The following HERPUD1 variants were observed in gnomAD, a reference collection of about 807,000 sequenced individuals.
HERPUD1 encodes homocysteine inducible ER protein with ubiquitin like domain 1.
A neutral mutation model predicts 45.0 loss-of-function variants in HERPUD1; 17 were observed. That is an observed-to-expected ratio of 0.38 (90% confidence interval 0.26 to 0.57). The LOEUF (loss-of-function observed/expected upper bound fraction) is 0.57, where lower values mean the gene tolerates loss of function less well. HERPUD1 is among the 20% of genes least tolerant of loss of function. The probability of loss-of-function intolerance (pLI) is 0.72; values close to 1 mark genes in which losing one functional copy is unlikely to be tolerated. For synonymous variants in HERPUD1, 164 were observed against 177.5 expected (o/e 0.92, Z 0.61); for missense variants, 420 against 490.5 (o/e 0.86, Z 1.36).
chr16:56,938,964 A>G (rs549925572), intron 4 of HERPUD1, among the ~76,000 whole-genome samples: 1 of 152,272 alleles, frequency 6.6e-6, no homozygotes, highest in South Asian at 2.1e-4. Flanking sequence ...TACTTAACCC[A>G]AAAAGGTTGT....
chr16:56,939,435 A>C lies in HERPUD1; in HGVS notation c.554+76A>C, dbSNP rs1458765600. On this transcript the variant is annotated intron_variant, in intron 5 of 7. Coordinates refer to ENST00000439977, the MANE Select transcript of HERPUD1 (RefSeq NM_014685.4). ...GGGAATTTTATCCATGTTACCTGTA[A>C]AGTTCAGAATGGAGGGATGAGTGTA... 3.8e-6 allele frequency: 6 copies of C among 1,572,816 alleles called. No homozygotes were observed. The African/African-American group carries it at 6.8e-5, about 18-fold the overall frequency.
In HERPUD1 at chr16:56,943,176, G is replaced by C. The variant is rs1234239053; in HGVS notation, c.1062G>C (p.Arg354Ser). 1.2e-6 allele frequency: 2 copies of C among 1,614,172 alleles called. 1 individual carries two copies. Among genetic ancestry groups the C allele is most frequent in the South Asian group, 2.2e-5 (2 of 91,088 alleles). Residue 354 changes from arginine (R) to serine (S), a missense_variant, in exon 8 of 8, where the codon AGG (arginine) becomes AGC (serine). Coordinates refer to ENST00000439977, the MANE Select transcript of HERPUD1 (RefSeq NM_014685.4). ...TEDPNHLPPD[R>S]DVLDGEQTSP... The stretch of plus-strand genomic sequence containing the variant: ...ACCCCAACCACCTCCCTCCAGACAG[G>C]GATGTACTAGATGGCGAGCAGACCA...
chr16:56,942,379 C>T, intron 7 of HERPUD1, 142 bp downstream of exon 7: 1 of 608,860 alleles, frequency 1.6e-6, no homozygotes, highest in Non-Finnish European at 2.9e-6. Flanking sequence ...CTTCTTAGAG[C>T]AGCAGCTATT....
chr16:56,935,185 C>A, intron 1 of HERPUD1, 50 bp from the exon 2 acceptor site: 1 of 1,270,880 alleles, frequency 7.9e-7, no homozygotes, highest in Non-Finnish European at 1.2e-6. Context: ...TGTTTAGGAA[C>A]TTGTAGGGGT....
chr16:56,935,676 T>C, intron 3 of HERPUD1: 1 of 587,864 alleles, frequency 1.7e-6, no homozygotes, highest in Admixed American at 2.9e-5. Flanking sequence ...CCGTTAGTGC[T>C]GTAGTAGAAA....
At position 56,943,510 on chromosome 16, in the gene HERPUD1, G is replaced by A. The variant is rs1333236774; in HGVS notation, c.*220G>A. The A allele has an allele frequency of 4.9e-6, 3 of 610,000 alleles. No individual in the cohort carries two copies. The highest frequency in any genetic ancestry group is 1.8e-5 in the African/African-American group (1 of 54,480). 37.8% of individuals were successfully genotyped at this position (610,000 alleles called of 1,614,324 possible). A position where few individuals can be genotyped will look rare whatever the true frequency, so the allele number is the denominator to read the frequency against. Reference sequence around the variant, plus strand: ...GCTTCTCATGTCTTTATTCTGAAGAGCTTTAATATATACTCTATGTAGTTT... The same window carrying A: ...GCTTCTCATGTCTTTATTCTGAAGAACTTTAATATATACTCTATGTAGTTT... On this transcript the variant is annotated 3_prime_UTR_variant, in exon 8 of 8. Coordinates refer to ENST00000439977, the MANE Select transcript of HERPUD1 (RefSeq NM_014685.4).
In HERPUD1 at chr16:56,944,825, A is replaced by C. The variant is rs774634919; in HGVS notation, c.*1535A>C. The C allele has an allele frequency of 1.3e-5, 2 of 152,218 alleles. No individual in the cohort carries two copies. The highest frequency in any genetic ancestry group is 2.9e-5 in the Non-Finnish European group (2 of 68,044). 9.4% of individuals were successfully genotyped at this position (152,218 alleles called of 1,614,324 possible). ...TTTTTACGTGAGTAATGTTATGTGT[A>C]GGTGTTCTATTTGGCAAAATAAATC... On this transcript the variant is annotated 3_prime_UTR_variant, in exon 8 of 8. Transcript: ENST00000439977.
intron 4 of HERPUD1, 108 bp from the exon 5 acceptor site, chr16:56,939,129 C>A: frequency 7.8e-7 from 1 of 1,282,488 alleles, no homozygotes. Flanking sequence ...CCGTAAATTC[C>A]ATTCTTCTGT....
At chr16:56,938,558 A>G (rs1210180389) in intron 4 of HERPUD1, among the ~76,000 whole-genome samples, 7 of 94,578 alleles carry the variant, frequency 7.4e-5, no homozygotes, top group Admixed American at 2.9e-4. Flanking sequence ...GCGAGACTCC[A>G]TCTCAAAAAA....
At chr16:56,938,549 C>T (rs1437272320) in intron 4 of HERPUD1, among the ~76,000 whole-genome samples, 3 of 133,600 alleles carry the variant, frequency 2.2e-5, no homozygotes, top group South Asian at 4.7e-4. Flanking sequence ...GGCAACAGAG[C>T]GAGACTCCAT....
Position 56,932,225 on chromosome 16 carries a change from C to T in HERPUD1, c.-20C>T, listed in dbSNP as rs2144812750. ...TGGCACCTAGGAGCGCAGCGGAGCCCCGACACCGCCGCCGCCGCCATGGAG... is the reference window on the plus strand; with the variant it reads ...TGGCACCTAGGAGCGCAGCGGAGCCTCGACACCGCCGCCGCCGCCATGGAG... On this transcript the variant is annotated 5_prime_UTR_variant, in exon 1 of 8. Coordinates refer to ENST00000439977, the MANE Select transcript of HERPUD1 (RefSeq NM_014685.4). 6.2e-7 allele frequency: 1 copy of T among 1,603,198 alleles called. No homozygotes were observed. Among genetic ancestry groups the T allele is most frequent in the Non-Finnish European group, 8.5e-7 (1 of 1,178,446 alleles).
intron 1 of HERPUD1, among the ~76,000 whole-genome samples, chr16:56,934,624 T>G (rs1296042101): frequency 2.0e-5 from 3 of 152,036 alleles, no homozygotes; most frequent in Admixed American, 6.5e-5. Context: ...GTTCCCTGTT[T>G]GCTGTTTGTT....
At chr16:56,937,625 T>C (rs201229995) in intron 4 of HERPUD1, among the ~76,000 whole-genome samples, 1 of 137,552 alleles carries the variant, frequency 7.3e-6, no homozygotes, top group Non-Finnish European at 1.6e-5. Flanking sequence ...CCCTTTTTTT[T>C]AAAAAAAGAG....
intron 3 of HERPUD1, 41 bp downstream of exon 3, chr16:56,935,516 C>A (rs1158311483): frequency 1.3e-6 from 2 of 1,507,244 alleles, no homozygotes; most frequent in Admixed American, 3.3e-5. Context: ...TTGTATCATT[C>A]AGACTTTCAG....
chr16:56,935,460 A>G lies in HERPUD1; in HGVS notation c.285A>G (p.Pro95=), dbSNP rs760425362. 1.2e-6 allele frequency: 2 copies of G among 1,613,876 alleles called. No individual in the cohort carries two copies. The highest frequency in any genetic ancestry group is 1.7e-6 in the Non-Finnish European group (2 of 1,179,828). The change falls in exon 3 of 8, where the codon CCA becomes CCG. Residue 95 remains proline (P), a synonymous_variant. Coordinates refer to ENST00000439977, the MANE Select transcript of HERPUD1 (RefSeq NM_014685.4). The stretch of plus-strand genomic sequence containing the variant: ...ATGTGAAGAGTCCTTCAAAAATGCC[A>G]GAAATCAACGCCAAGGTGTGTCTGC... ...VCNVKSPSKM[P]EINAKVAEST...
In HERPUD1 at chr16:56,932,295, C is replaced by G. The variant is rs775772569; in HGVS notation, c.51C>G (p.Pro17=). 4 of 1,608,826 alleles carry G rather than the reference C, an allele frequency of 2.5e-6. No homozygotes were observed. The highest frequency in any genetic ancestry group is 8.5e-7 in the Non-Finnish European group (1 of 1,179,320). Residue 17 remains proline (P), a synonymous_variant, in exon 1 of 8, where the codon CCC becomes CCG. Coordinates refer to ENST00000439977, the MANE Select transcript of HERPUD1 (RefSeq NM_014685.4). The part of the protein sequence containing the change: ...PEPVTLLVKS[P]NQRHRDLELS... ...CCGTCACGCTCCTGGTGAAGAGCCC[C>G]AACCAGCGCCACCGCGACTTGGAGC...
chr16:56,943,301 G>A lies in HERPUD1; in HGVS notation c.*11G>A, dbSNP rs773549339. On this transcript the variant is annotated 3_prime_UTR_variant, in exon 8 of 8. Coordinates refer to ENST00000439977, the MANE Select transcript of HERPUD1 (RefSeq NM_014685.4). ...GCCATCGCAAACTGATGGTGTTTGT[G>A]CTGTAGCTGTTGGAGGCTTTGACAG... 1.2e-6 allele frequency: 2 copies of A among 1,614,108 alleles called. No individual in the cohort carries two copies. Among genetic ancestry groups the A allele is most frequent in the Non-Finnish European group, 1.7e-6 (2 of 1,180,028 alleles).
chr16:56,942,232 T>C lies in HERPUD1; in HGVS notation c.1006T>C (p.Leu336=). ...DVVNQDPNNN[L]QEGTDPETED... is the part of the protein sequence containing the mutation. Reference sequence around the variant, plus strand: ...TGTAAATCAGGACCCCAACAATAACTTACAGGTATGGAGCCTCCCACGAAG... The same window carrying C: ...TGTAAATCAGGACCCCAACAATAACCTACAGGTATGGAGCCTCCCACGAAG... The change falls in exon 7 of 8, where the codon TTA becomes CTA. Residue 336 remains leucine, a synonymous_variant. Transcript: ENST00000439977. 1 of 1,611,370 alleles carries C rather than the reference T, an allele frequency of 6.2e-7. No homozygotes were observed. Among genetic ancestry groups the C allele is most frequent in the East Asian group, 2.2e-5 (1 of 44,874 alleles).
At position 56,943,164 on chromosome 16, in the gene HERPUD1, C is replaced by T. The variant is rs756189407; in HGVS notation, c.1050C>T (p.Leu350=). ...CTGAAACTGAAGACCCCAACCACCT[C>T]CCTCCAGACAGGGATGTACTAGATG... ...TDPETEDPNH[L]PPDRDVLDGE... Residue 350 remains leucine (L), a synonymous_variant, in exon 8 of 8, where the codon CTC becomes CTT. Transcript: ENST00000439977. 1 of 1,614,206 alleles carries T rather than the reference C, an allele frequency of 6.2e-7. No homozygotes were observed. Among genetic ancestry groups the T allele is most frequent in the Non-Finnish European group, 8.5e-7 (1 of 1,180,024 alleles).
Sources: gnomAD v4.1 joint callset for allele counts (sites outside exome capture counted in the v4.1 genomes callset) on GRCh38, gnomAD v4.1.1 for gene constraint, MANE v1.5 for transcripts, NCBI Gene and HGNC (gene_info 2026-07-23, HGNC 2026-07-21) for gene names.